PTPN23: variants seen among roughly 807,000 people sequenced by gnomAD.
PTPN23 encodes protein tyrosine phosphatase non-receptor type 23, also known as tyrosine-protein phosphatase non-receptor type 23.
In PTPN23, 72 loss-of-function variants were observed where a neutral mutation model predicts 156.3. That is an observed-to-expected ratio of 0.46 (90% CI 0.38 to 0.56). PTPN23 has a LOEUF of 0.56. PTPN23 is among the 20% of genes least tolerant of loss of function. The pLI, the probability that PTPN23 is intolerant of heterozygous loss-of-function variation, is 0.00. For missense variants in PTPN23, 1,974 were observed against 2,171.5 expected (o/e 0.91, Z 1.81); for synonymous variants, 957 against 899.6 (o/e 1.06, Z -1.14).
chr3:47,400,542 G>C (rs917321147), intron 2 of PTPN23, among the ~76,000 whole-genome samples: 1 of 152,126 alleles, frequency 6.6e-6, no homozygotes, highest in African/African-American at 2.4e-5. Flanking sequence ...TCCCAAAGAT[G>C]GTTTTAGGAA....
chr3:47,409,541 G>A lies in PTPN23; in HGVS notation c.1922G>A (p.Arg641Gln), dbSNP rs771582644. 4.4e-5 allele frequency: 71 copies of A among 1,613,898 alleles called. No individual in the cohort carries two copies. Among genetic ancestry groups the A allele is most frequent in the South Asian group, 3.3e-4 (30 of 91,052 alleles). Residue 641 changes from arginine (R) to glutamine (Q), a missense_variant, in exon 18 of 25, where the codon CGG becomes CAG. Physicochemically the swap from Arg to Gln is conservative, Grantham distance 43 (BLOSUM62 1). This residue lies in a region of PTPN23 where 726 missense variants were observed against 929.5 expected (regional missense o/e 0.78). Coordinates refer to ENST00000265562, the MANE Select transcript of PTPN23 (RefSeq NM_015466.4). ...GCCAACGTGCAGTACGCAGCCGTGC[G>A]GCGGGTACTCAGCGACTTGGACCAA... ...TEANVQYAAV[R>Q]RVLSDLDQKW... is the part of the protein sequence containing the mutation.
Position 47,410,847 on chromosome 3 carries a change from C to T in PTPN23, c.3049C>T (p.Gln1017Ter). Residue 1017 changes from glutamine (Q) to a stop codon, truncating the protein, a stop_gained, in exon 20 of 25, where the codon CAG (glutamine) becomes TAG (stop). Coordinates refer to ENST00000265562, the MANE Select transcript of PTPN23 (RefSeq NM_015466.4). LOFTEE classifies it high-confidence loss of function. ...GCAGCCGCCACCCCCCCTACACACC[C>T]AGCTCTACCCAGGTCCCGCTCAAGA... ...LGQPPPPLHT[Q>*]LYPGPAQDPL... The T allele has an allele frequency of 1.2e-6, 2 of 1,606,782 alleles. No homozygotes were observed. Among genetic ancestry groups the T allele is most frequent in the Non-Finnish European group, 1.7e-6 (2 of 1,174,912 alleles).
In PTPN23 at chr3:47,383,196, G is replaced by A. The variant is rs553302348; in HGVS notation, c.84+2016G>A. On this transcript the variant is annotated intron_variant, in intron 1 of 24. Transcript: ENST00000265562. ...TAGATTCTGTTCTCAGTCACTTGCT[G>A]TTTCCTTACCATACTCTGTTTCCTC... Among the ~76,000 whole-genome samples, 15 of 152,228 alleles carry A rather than the reference G, an allele frequency of 9.9e-5. No individual in the cohort carries two copies. The South Asian group carries it at 3.1e-3, about 32-fold the overall frequency.
intron 1 of PTPN23, among the ~76,000 whole-genome samples, chr3:47,387,853 A>C (rs958165515): frequency 6.6e-6 from 1 of 152,234 alleles, no homozygotes; most frequent in African/African-American, 2.4e-5. Flanking sequence ...GTCTGGAGTC[A>C]GGAAATCTGT....
In PTPN23 at chr3:47,413,433, G is replaced by A. The variant is rs1705386677; in HGVS notation, c.*248G>A. ...TTGAAATAATAAACCACCCTGTTCT[G>A]TGGCCCGTGTCTGAGTCTGCCCATT... On this transcript the variant is annotated 3_prime_UTR_variant, in exon 25 of 25. Transcript: ENST00000265562. The A allele has an allele frequency of 7.2e-6, 4 of 552,984 alleles. No homozygotes were observed. Among genetic ancestry groups the A allele is most frequent in the Non-Finnish European group, 1.2e-5 (4 of 320,166 alleles). The allele number at this position is 552,984 out of a possible 1,614,324, so 34.3% of individuals were successfully genotyped here. A position where few individuals can be genotyped will look rare whatever the true frequency, so the allele number is the denominator to read the frequency against.
Position 47,405,173 on chromosome 3 carries a change from A to G in PTPN23, c.364+92A>G. On this transcript the variant is annotated intron_variant, in intron 4 of 24. Transcript: ENST00000265562. The surrounding 1 kb of genome is among the most constrained non-coding windows in gnomAD (Gnocchi z 4.7). ...AGATGGCCACAAAGGCAGTGGGCTG[A>G]TAAAGGGAGGACTCCAGGATTCCCG... 2 of 1,211,292 alleles carry G rather than the reference A, an allele frequency of 1.7e-6. No homozygotes were observed. Among genetic ancestry groups the G allele is most frequent in the South Asian group, 1.2e-5 (1 of 81,540 alleles). 75.0% of individuals were successfully genotyped at this position (1,211,292 alleles called of 1,614,324 possible). A position where few individuals can be genotyped will look rare whatever the true frequency, so the allele number is the denominator to read the frequency against.
intron 1 of PTPN23, among the ~76,000 whole-genome samples, chr3:47,382,663 T>C (rs1208308582): frequency 1.4e-5 from 2 of 146,654 alleles, no homozygotes; most frequent in East Asian, 4.0e-4. Flanking sequence ...ACAGAACTCC[T>C]GTTTTCTTTT....
chr3:47,411,031 C>T lies in PTPN23; in HGVS notation c.3233C>T (p.Ser1078Phe). The change falls in exon 20 of 25, where the codon TCC (serine) becomes TTC (phenylalanine). Residue 1078 changes from serine (S) to phenylalanine (F), a missense_variant. Around this residue, in one of 4 missense-constraint regions of PTPN23, gnomAD observed 731 missense variants for 669.1 expected, o/e 1.09. Coordinates refer to ENST00000265562, the MANE Select transcript of PTPN23 (RefSeq NM_015466.4). This position sits in a 1 kb window ranked among gnomAD's most constrained non-coding sequence, Gnocchi z 6.3. ...TIRGPSSAGQ[S>F]TPSPHLVPSP... ...CGAGGGCCCTCGTCTGCTGGCCAGTCCACCCCTAGTCCCCACCTGGTGCCT... is the reference window on the plus strand; with the variant it reads ...CGAGGGCCCTCGTCTGCTGGCCAGTTCACCCCTAGTCCCCACCTGGTGCCT... 1 of 1,590,638 alleles carries T rather than the reference C, an allele frequency of 6.3e-7. No individual in the cohort carries two copies. The highest frequency in any genetic ancestry group is 1.7e-4 in the Middle Eastern group (1 of 5,928).
Position 47,411,839 on chromosome 3 carries a change from C to G in PTPN23, c.3945C>G (p.Ala1315=). The G allele has an allele frequency of 1.2e-6, 2 of 1,613,234 alleles. No homozygotes were observed. The highest frequency in any genetic ancestry group is 1.7e-6 in the Non-Finnish European group (2 of 1,179,936). The part of the protein sequence containing the change: ...TERGQPMVHG[A]LSLALSSVRS... Reference sequence around the variant, plus strand: ...GGGGCCAGCCCATGGTGCACGGTGCCCTGAGCCTGGCATTGAGCAGCGTCC... The same window carrying G: ...GGGGCCAGCCCATGGTGCACGGTGCGCTGAGCCTGGCATTGAGCAGCGTCC... The change falls in exon 21 of 25, where the codon GCC becomes GCG. Residue 1315 remains alanine (A), a synonymous_variant. Coordinates refer to ENST00000265562, the MANE Select transcript of PTPN23 (RefSeq NM_015466.4). The surrounding 1 kb of genome is among the most constrained non-coding windows in gnomAD (Gnocchi z 6.3).
Position 47,406,721 on chromosome 3 carries a change from G to A in PTPN23, c.778G>A (p.Ala260Thr). The change falls in exon 9 of 25, where the codon GCC becomes ACC. Residue 260 changes from alanine to threonine, a missense_variant. Physicochemically the swap from Ala to Thr is moderately conservative, Grantham distance 58. This residue lies in a region of PTPN23 where 726 missense variants were observed against 929.5 expected (regional missense o/e 0.78). Coordinates refer to ENST00000265562, the MANE Select transcript of PTPN23 (RefSeq NM_015466.4). The surrounding 1 kb of genome is among the most constrained non-coding windows in gnomAD (Gnocchi z 5.8). ...AVAHLHMGKQ[A>T]EEQQKFGERV... Reference sequence around the variant, plus strand: ...TTCCCAGCTGCACATGGGAAAGCAGGCCGAGGAGCAGCAGAAGTTCGGGGA... The same window carrying A: ...TTCCCAGCTGCACATGGGAAAGCAGACCGAGGAGCAGCAGAAGTTCGGGGA... The A allele has an allele frequency of 6.2e-7, 1 of 1,613,966 alleles. No individual in the cohort carries two copies. Among genetic ancestry groups the A allele is most frequent in the South Asian group, 1.1e-5 (1 of 91,078 alleles).
intron 1 of PTPN23, among the ~76,000 whole-genome samples, chr3:47,382,223 T>C (rs1472167187): frequency 2.6e-5 from 4 of 152,204 alleles, no homozygotes; most frequent in Non-Finnish European, 5.9e-5. Context: ...TCTAGCCTCT[T>C]GGGGCCAGGA....
chr3:47,394,646 G>T (rs1411045101), intron 1 of PTPN23, among the ~76,000 whole-genome samples: 1 of 152,196 alleles, frequency 6.6e-6, no homozygotes, highest in Non-Finnish European at 1.5e-5. Context: ...GCCAGGAACA[G>T]GTTGTGCAGG....
At position 47,398,456 on chromosome 3, in the gene PTPN23, G is replaced by A. The variant is rs951066739; in HGVS notation, c.159+2239G>A. Among the ~76,000 whole-genome samples the A allele has an allele frequency of 2.0e-5, 3 of 152,088 alleles. No individual in the cohort carries two copies. In the South Asian group the frequency reaches 6.2e-4, roughly 31 times the overall value. ...AAGAATCGAATGATGTCATATCTCT[G>A]GATATCAGATTCTCCCCCTTCCCCG... On this transcript the variant is annotated intron_variant, in intron 2 of 24. Transcript: ENST00000265562.
intron 2 of PTPN23, among the ~76,000 whole-genome samples, chr3:47,404,407 CTTTTTTT>C (rs10647488): frequency 7.1e-6 from 1 of 140,644 alleles, no homozygotes; most frequent in Non-Finnish European, 1.5e-5. Flanking sequence ...GAATGAGACT[CTTTTTTT>C]TTTTTTTTTT....
rs762384091 is a variant in PTPN23 at position 47,406,899 on chromosome 3, C to G, written c.807+149C>G. On this transcript the variant is annotated intron_variant, in intron 9 of 24. Coordinates refer to ENST00000265562, the MANE Select transcript of PTPN23 (RefSeq NM_015466.4). The surrounding 1 kb of genome is among the most constrained non-coding windows in gnomAD (Gnocchi z 5.8). ...GAGGCCTGGTGTCTTAAGTGTTGTCCCATCTGTGCAGCCCTCGTCCCTCGG... is the reference window on the plus strand; with the variant it reads ...GAGGCCTGGTGTCTTAAGTGTTGTCGCATCTGTGCAGCCCTCGTCCCTCGG... 1 of 1,220,724 alleles carries G rather than the reference C, an allele frequency of 8.2e-7. No individual in the cohort carries two copies. The allele number at this position is 1,220,724 out of a possible 1,614,324, so 75.6% of individuals were successfully genotyped here. A position where few individuals can be genotyped will look rare whatever the true frequency, so the allele number is the denominator to read the frequency against.
rs1275484478 is a variant in PTPN23, at chr3:47,411,196, C to T, written c.3398C>T (p.Ser1133Phe). ...SPESQHGGTQ[S>F]PGGGQPLLQP... ...GAGAGCCAGCATGGCGGCACTCAGT[C>T]TCCTGGGGGTGGGCAGCCCCTGCTG... Residue 1133 changes from serine (S) to phenylalanine (F), a missense_variant, in exon 20 of 25, where the codon TCT (serine) becomes TTT (phenylalanine). Around this residue, in one of 4 missense-constraint regions of PTPN23, gnomAD observed 731 missense variants for 669.1 expected, o/e 1.09. Coordinates refer to ENST00000265562, the MANE Select transcript of PTPN23 (RefSeq NM_015466.4). The surrounding 1 kb of genome is among the most constrained non-coding windows in gnomAD (Gnocchi z 6.3). The T allele has an allele frequency of 3.1e-6, 5 of 1,604,100 alleles. No individual in the cohort carries two copies. Among genetic ancestry groups the T allele is most frequent in the Non-Finnish European group, 4.2e-6 (5 of 1,177,828 alleles).
chr3:47,403,055 CTT>C (rs1007913831), intron 2 of PTPN23, among the ~76,000 whole-genome samples: 22 of 138,354 alleles, frequency 1.6e-4, no homozygotes, highest in Admixed American at 1.4e-4. Context: ...TTGTTACATT[CTT>C]TTTTTTTTTT....
Position 47,409,643 on chromosome 3 carries a change from T to G in PTPN23, c.1950-12T>G, listed in dbSNP as rs1705216161. The G allele has an allele frequency of 6.2e-7, 1 of 1,612,588 alleles. No individual in the cohort carries two copies. Among genetic ancestry groups the G allele is most frequent in the Non-Finnish European group, 8.5e-7 (1 of 1,179,548 alleles). On this transcript the variant is annotated splice_polypyrimidine_tract_variant and intron_variant, in intron 18 of 24. Transcript: ENST00000265562. ...CCATGGTTCACCTGGAGCTGGCCCT[T>G]CTGCCCACCAGGTGGAACTCCACGC... is the stretch of plus-strand genomic sequence containing the variant.
chr3:47,386,162 G>T (rs992137545), intron 1 of PTPN23, among the ~76,000 whole-genome samples: 1 of 151,026 alleles, frequency 6.6e-6, no homozygotes, highest in African/African-American at 2.4e-5. Context: ...GTGCACGCTG[G>T]TTTTTTTTTC....
Sources: gnomAD v4.1 joint callset for allele counts (sites outside exome capture counted in the v4.1 genomes callset) on GRCh38, gnomAD v4.1.1 for gene constraint, gnomAD v4.1.1 regional missense constraint, Gnocchi (gnomAD v3.1) non-coding constraint, MANE v1.5 for transcripts, NCBI Gene and HGNC (gene_info 2026-07-23, HGNC 2026-07-21) for gene names.